PSG8: variants seen among roughly 807,000 people sequenced by gnomAD.
PSG8 encodes pregnancy specific beta-1-glycoprotein 8.
PSG8 carries 57 observed loss-of-function variants against 42.5 expected under a neutral mutation model. The ratio of observed to expected loss-of-function variants is 1.34; its 90% confidence interval spans 1.08 to 1.67. The LOEUF (loss-of-function observed/expected upper bound fraction) is 1.67. Ranked by LOEUF, PSG8 falls within the 40% of genes most tolerant of loss-of-function variation. The pLI is 0.00. For missense variants in PSG8, 783 were observed against 518.6 expected (o/e 1.51, Z -4.95); for synonymous variants, 280 against 196.8 (o/e 1.42, Z -3.54).
downstream of PSG8, chr19:42,754,042 A>G: frequency 1.0e-6 from 1 of 1,002,876 alleles, no homozygotes; most frequent in Non-Finnish European, 1.5e-6. Context: ...AAGAATCAGC[A>G]AATTTTCAAA....
downstream of PSG8, chr19:42,753,128 G>A (rs1198583991): frequency 1.5e-6 from 1 of 654,256 alleles, no homozygotes; most frequent in South Asian, 1.7e-5. Flanking sequence ...GGGAAAAACT[G>A]TCCACAGTGT....
chr19:42,755,017 C>T lies in PSG8; in HGVS notation c.959G>A (p.Arg320His), dbSNP rs140722778. The part of the protein sequence containing the change: ...CEIRDQYGGI[R>H]SYPVTLNVLY... ...GACATTCAGGGTGACTGGGTAACTG[C>T]GGATGCCACCATATTGGTCCCTTAT... The change falls in exon 4 of 5, where the codon CGC becomes CAC. Residue 320 changes from arginine (R) to histidine (H), a missense_variant. Physicochemically the swap from Arg to His is conservative, Grantham distance 29 (BLOSUM62 0). Coordinates refer to ENST00000306511, the MANE Select transcript of PSG8 (RefSeq NM_182707.3). 8.7e-5 allele frequency: 140 copies of T among 1,613,462 alleles called. No individual in the cohort carries two copies. The African/African-American group carries it at 1.0e-3, about 12-fold the overall frequency.
chr19:42,763,292 C>G (rs1970123415), intron 2 of PSG8, among the ~76,000 whole-genome samples: 1 of 152,140 alleles, frequency 6.6e-6, no homozygotes, highest in African/African-American at 2.4e-5. Context: ...TGATGGCCTA[C>G]AAAGCTTGTC....
At chr19:42,759,455 A>G (rs1317755841) in intron 2 of PSG8, among the ~76,000 whole-genome samples, 2 of 152,188 alleles carry the variant, frequency 1.3e-5, no homozygotes, top group Non-Finnish European at 1.5e-5. Context: ...GAAGGCTTAA[A>G]ACAAAGTGTT....
At chr19:42,765,086 C>T (rs954340884) in intron 1 of PSG8, among the ~76,000 whole-genome samples, 1 of 152,012 alleles carries the variant, frequency 6.6e-6, no homozygotes, top group Non-Finnish European at 1.5e-5. Context: ...GTTTTGACCC[C>T]TGTCCCTCTC....
rs752782848 is a variant in PSG8, at chr19:42,754,487, C to T, written c.1089G>A (p.Gln363=). ...ACTTCCCATTAATTGTCCAAGAATA[C>T]TGTGCCGGTGGGTTAGAGTCCGCAG... ...SCSADSNPPA[Q]YSWTINGKFQ... is the part of the protein sequence containing the mutation. The change falls in exon 5 of 5, where the codon CAG becomes CAA. Residue 363 remains glutamine, a synonymous_variant. Transcript: ENST00000306511. 1.1e-5 allele frequency: 17 copies of T among 1,613,900 alleles called. No homozygotes were observed. The Middle Eastern group carries it at 6.6e-4, about 63-fold the overall frequency.
intron 3 of PSG8, chr19:42,755,813 C>G (rs972726132): frequency 1.1e-4 from 18 of 160,600 alleles, no homozygotes; most frequent in Admixed American, 2.8e-4. Flanking sequence ...CAGAATCAAG[C>G]CTGGAGGTCA....
At chr19:42,762,306 G>C (rs1370543651) in intron 2 of PSG8, among the ~76,000 whole-genome samples, 4 of 151,970 alleles carry the variant, frequency 2.6e-5, no homozygotes, top group African/African-American at 4.8e-5. Context: ...CAGGGACCAG[G>C]TGCCCCCAGC....
At chr19:42,758,411 G>A (rs1660505210) in intron 2 of PSG8, 131 bp from the exon 3 acceptor site, 1 of 1,514,180 alleles carries the variant, frequency 6.6e-7, no homozygotes, top group Admixed American at 2.2e-5. Flanking sequence ...GCAGGTGTGT[G>A]TGTTGCAAGA....
chr19:42,761,676 C>T (rs1288583533), intron 2 of PSG8, among the ~76,000 whole-genome samples: 1 of 152,002 alleles, frequency 6.6e-6, no homozygotes, highest in Non-Finnish European at 1.5e-5. Context: ...TTTTTTAGTC[C>T]TGTGCTCCTG....
At chr19:42,765,469 G>A (rs148711271) in intron 1 of PSG8, 49 bp downstream of exon 1, 3 of 1,604,786 alleles carry the variant, frequency 1.9e-6, no homozygotes, top group African/African-American at 1.3e-5. Context: ...ACCCCATCCA[G>A]TCACTCTGCT....
rs545223763 is a variant in PSG8 at position 42,758,091 on chromosome 19, A to G, written c.620T>C (p.Val207Ala). ...ATAGGGTCCTGCAGTGTACTTTGTG[A>G]CACCCAATAGAAAGAGGGTCCTGTT... ...ETNRTLFLLG[V>A]TKYTAGPYEC... The change falls in exon 3 of 5, where the codon GTC becomes GCC. Residue 207 changes from valine (V) to alanine (A), a missense_variant. Transcript: ENST00000306511. 99 of 1,614,040 alleles carry G rather than the reference A, an allele frequency of 6.1e-5. 2 individuals are homozygous for G. In the South Asian group the frequency reaches 1.1e-3, roughly 18 times the overall value.
In PSG8 at chr19:42,754,382, G is replaced by A. The variant is rs1350315441; in HGVS notation, c.1194C>T (p.Asn398=). ...TGGAGCTTTCCTTGCCAGTGGCTGAGTTACGAACAGAGCAAGCATAGAGCC... is the reference window on the plus strand; with the variant it reads ...TGGAGCTTTCCTTGCCAGTGGCTGAATTACGAACAGAGCAAGCATAGAGCC... ...HSGLYACSVR[N]SATGKESSKS... is the part of the protein sequence containing the mutation. The change falls in exon 5 of 5, where the codon AAC becomes AAT. Residue 398 remains asparagine (N), a synonymous_variant. Transcript: ENST00000306511. 3.1e-6 allele frequency: 5 copies of A among 1,613,710 alleles called. No homozygotes were observed. The highest frequency in any genetic ancestry group is 4.2e-6 in the Non-Finnish European group (5 of 1,179,804).
At chr19:42,755,405 A>T (rs1568374995) in intron 3 of PSG8, 139 bp from the exon 4 acceptor site, 2 of 1,457,708 alleles carry the variant, frequency 1.4e-6, no homozygotes. Flanking sequence ...GTGTGTCACA[A>T]GACAGATGCA....
chr19:42,764,370 G>C lies in PSG8; in HGVS notation c.65-89C>G, dbSNP rs1970161555. On this transcript the variant is annotated intron_variant, in intron 1 of 4. Transcript: ENST00000306511. ...CCTGGGTCCTGAGAAGTTCTCTTCA[G>C]TCCTCAGCCTTGAAGACACAGACAC... 4 of 1,527,294 alleles carry C rather than the reference G, an allele frequency of 2.6e-6. No individual in the cohort carries two copies. The East Asian group carries it at 9.0e-5, about 34-fold the overall frequency. The allele number at this position is 1,527,294 out of a possible 1,614,324, so 94.6% of individuals were successfully genotyped here.
chr19:42,755,446 C>T (rs1393974858), intron 3 of PSG8, 180 bp from the exon 4 acceptor site: 7 of 1,298,228 alleles, frequency 5.4e-6, no homozygotes, highest in East Asian at 2.4e-5. Flanking sequence ...GACTATGAGG[C>T]CAGCTGCTCT....
At chr19:42,753,160 T>C (rs533076275), downstream of PSG8, 25 of 710,308 alleles carry the variant, frequency 3.5e-5, no homozygotes, top group African/African-American at 3.1e-4. Context: ...CTTGTTGTCC[T>C]GGTTTACAGT....
In PSG8 at chr19:42,764,057, C is replaced by A. The variant is rs774618783; in HGVS notation, c.289G>T (p.Gly97Ter). 2.5e-6 allele frequency: 4 copies of A among 1,613,644 alleles called. No individual in the cohort carries two copies. Among genetic ancestry groups the A allele is most frequent in the Admixed American group, 3.3e-5 (2 of 59,970 alleles). The change falls in exon 2 of 5, where the codon GGA (glycine) becomes TGA (stop). Residue 97 changes from glycine (G) to a stop codon, truncating the protein, a stop_gained. Coordinates refer to ENST00000306511, the MANE Select transcript of PSG8 (RefSeq NM_182707.3). LOFTEE classifies it high-confidence loss of function. The stretch of plus-strand genomic sequence containing the variant: ...GCATTGGAATATATTGTTTCTCGTC[C>A]ACTGTATGCAGGCCCATATATAATT... ...QIIIYGPAYS[G>*]RETIYSNASL... is the part of the protein sequence containing the mutation.
intron 2 of PSG8, among the ~76,000 whole-genome samples, chr19:42,760,362 CT>C (rs1401004223): frequency 2.0e-5 from 3 of 152,170 alleles, no homozygotes; most frequent in African/African-American, 7.2e-5. Flanking sequence ...ATGTTACAGC[CT>C]TTGTAGTTGT....
Sources: gnomAD v4.1 joint callset for allele counts (sites outside exome capture counted in the v4.1 genomes callset) on GRCh38, gnomAD v4.1.1 for gene constraint, MANE v1.5 for transcripts, NCBI Gene and HGNC (gene_info 2026-07-23, HGNC 2026-07-21) for gene names.